The following VAC14 variants were observed in gnomAD, a reference collection of about 807,000 sequenced individuals.
The protein encoded by VAC14 is VAC14 component of PIKFYVE complex.
VAC14 carries 47 observed loss-of-function variants against 85.3 expected under a neutral mutation model. That is an observed-to-expected ratio of 0.55 (90% CI 0.44 to 0.70). VAC14 has a LOEUF of 0.70. Among genes scored for constraint, VAC14 ranks in the 30% least tolerant of loss-of-function variants. The pLI, the probability that VAC14 is intolerant of heterozygous loss-of-function variation, is 0.00. For synonymous variants in VAC14, 447 were observed against 430.5 expected, an observed-to-expected ratio of 1.04 and a Z score of -0.47; for missense variants, 861 against 1,004.3, an observed-to-expected ratio of 0.86 and a Z score of 1.93.
intron 1 of VAC14, among the ~76,000 whole-genome samples, chr16:70,789,554 C>G (rs1035849061): frequency 6.6e-6 from 1 of 152,114 alleles, no homozygotes. Flanking sequence ...GCGGGAGGCC[C>G]GGGTTCGATT....
chr16:70,795,064 G>A (rs1049280346), intron 1 of VAC14, among the ~76,000 whole-genome samples: 2 of 152,186 alleles, frequency 1.3e-5, no homozygotes, highest in African/African-American at 4.8e-5. Flanking sequence ...AGGGACAATA[G>A]GCTCTACCAT....
In VAC14 at chr16:70,687,957, C is replaced by T; in HGVS notation, c.2320G>A (p.Asp774Asn). Reference sequence around the variant, plus strand: ...AGGACAACCCTCCGGTCCAGGTGGTCCCCACGCCCGCTCCGCTGGTGCCGC... The same window carrying T: ...AGGACAACCCTCCGGTCCAGGTGGTTCCCACGCCCGCTCCGCTGGTGCCGC... ...EVRHQRSGRG[D>N]HLDRRVVL Residue 774 changes from aspartate (D) to asparagine (N), a missense_variant, in exon 19 of 19, where the codon GAC (aspartate) becomes AAC (asparagine). By Grantham distance (23) the Asp-to-Asn change is conservative. Transcript: ENST00000261776. The T allele has an allele frequency of 1.3e-6, 2 of 1,583,468 alleles. No individual in the cohort carries two copies. Among genetic ancestry groups the T allele is most frequent in the Middle Eastern group, 2.1e-4 (1 of 4,798 alleles).
intron 12 of VAC14, chr16:70,747,988 A>G (rs1400015818): frequency 4.0e-5 from 6 of 151,108 alleles, no homozygotes; most frequent in African/African-American, 7.3e-5. Context: ...GGGCCAGAGG[A>G]GCAGGCTGTC....
chr16:70,760,862 T>C (rs1421205462), intron 12 of VAC14, among the ~76,000 whole-genome samples: 1 of 151,978 alleles, frequency 6.6e-6, no homozygotes, highest in Admixed American at 6.6e-5. Context: ...TGTATTGAAA[T>C]GAGGGCTGTG....
chr16:70,712,665 G>A (rs906105118), intron 14 of VAC14, among the ~76,000 whole-genome samples: 3 of 152,210 alleles, frequency 2.0e-5, no homozygotes, highest in African/African-American at 7.2e-5. Flanking sequence ...GCACAGAAAG[G>A]GCTGCAGAAG....
intron 14 of VAC14, among the ~76,000 whole-genome samples, chr16:70,724,680 C>T (rs1413507205): frequency 6.6e-6 from 1 of 152,210 alleles, no homozygotes; most frequent in East Asian, 1.9e-4. Context: ...TGCATGGCGA[C>T]AAAAACACTT....
intron 13 of VAC14, among the ~76,000 whole-genome samples, chr16:70,740,118 G>C (rs1353264569): frequency 6.6e-6 from 1 of 151,950 alleles, no homozygotes; most frequent in Admixed American, 6.6e-5. Context: ...GCACCACTAC[G>C]CCCAGCTAAA....
intron 13 of VAC14, among the ~76,000 whole-genome samples, 163 bp downstream of exon 13, chr16:70,744,260 G>A (rs181110783): frequency 3.5e-4 from 54 of 152,250 alleles, no homozygotes; most frequent in African/African-American, 1.1e-3. Flanking sequence ...GCCTCTGGGC[G>A]GTCTTGAGGT....
intron 12 of VAC14, among the ~76,000 whole-genome samples, chr16:70,748,900 T>G (rs1289717368): frequency 6.6e-6 from 1 of 152,122 alleles, no homozygotes; most frequent in African/African-American, 2.4e-5. Context: ...TCGCACTACT[T>G]CACTCCGGTC....
At chr16:70,755,951 G>A in intron 12 of VAC14, 1 of 454,304 alleles carries the variant, frequency 2.2e-6, no homozygotes, top group Admixed American at 2.4e-5. Flanking sequence ...GGGGTTTGGG[G>A]CTTCCCCCAG....
At chr16:70,735,064 G>A (rs16970469) in intron 13 of VAC14, among the ~76,000 whole-genome samples, 79 of 152,262 alleles carry the variant, frequency 5.2e-4, no homozygotes, top group Non-Finnish European at 8.7e-4. Flanking sequence ...GCATAAAGAC[G>A]GAAACCCAGG....
Position 70,800,802 on chromosome 16 carries a change from G to T in VAC14, c.99C>A (p.Ile33=), listed in dbSNP as rs1364916129. The T allele has an allele frequency of 1.9e-6, 3 of 1,609,740 alleles. No individual in the cohort carries two copies. Among genetic ancestry groups the T allele is most frequent in the Non-Finnish European group, 2.5e-6 (3 of 1,178,134 alleles). Residue 33 remains isoleucine, a synonymous_variant, in exon 1 of 19, where the codon ATC becomes ATA. Transcript: ENST00000261776. The stretch of plus-strand genomic sequence containing the variant: ...GGGGTCCTGGCGGCTCTTACTTCTC[G>T]ATCTCCAGCGCTGCCACCTTCCGCT... ...YEKRKVAALE[I]EKLVREFVAQ... is the part of the protein sequence containing the mutation.
At chr16:70,786,422 A>G (rs966762749) in intron 1 of VAC14, 57 bp from the exon 2 acceptor site, 36 of 1,590,650 alleles carry the variant, frequency 2.3e-5, no homozygotes, top group Middle Eastern at 1.7e-4. Context: ...TGTGGCCTCC[A>G]GGGCCTGGGG....
chr16:70,730,667 G>A (rs754175224), intron 14 of VAC14, among the ~76,000 whole-genome samples: 35 of 144,042 alleles, frequency 2.4e-4, no homozygotes, highest in Admixed American at 5.7e-4. Flanking sequence ...GTGTGATCTC[G>A]GCTCACTGCA....
At position 70,695,604 on chromosome 16, in the gene VAC14, C is replaced by T. The variant is rs775833715; in HGVS notation, c.1975G>A (p.Val659Met). Residue 659 changes from valine to methionine, a missense_variant, in exon 17 of 19, where the codon GTG becomes ATG. Physicochemically the swap from Val to Met is conservative, Grantham distance 21. Coordinates refer to ENST00000261776, the MANE Select transcript of VAC14 (RefSeq NM_018052.5). ...TTGTCCACCTCTGCGAGGAAGTCCACGGTGACCTCCAGGTCCCCACTGGGT... is the reference window on the plus strand; with the variant it reads ...TTGTCCACCTCTGCGAGGAAGTCCATGGTGACCTCCAGGTCCCCACTGGGT... ...IQKFGDLEVT[V>M]DFLAEVDKLV... is the part of the protein sequence containing the mutation. 6 of 1,613,784 alleles carry T rather than the reference C, an allele frequency of 3.7e-6. No individual in the cohort carries two copies. Among genetic ancestry groups the T allele is most frequent in the East Asian group, 2.2e-5 (1 of 44,878 alleles).
intron 10 of VAC14, among the ~76,000 whole-genome samples, chr16:70,764,990 C>G (rs1240055282): frequency 2.6e-5 from 4 of 152,160 alleles, no homozygotes; most frequent in Non-Finnish European, 5.9e-5. Flanking sequence ...ACTTTTTGGG[C>G]TGGAAGAATC....
chr16:70,696,929 G>C, intron 16 of VAC14: 2 of 509,528 alleles, frequency 3.9e-6, no homozygotes, highest in South Asian at 4.0e-5. Flanking sequence ...CCCCCTCCAA[G>C]AGCCCCTCTT....
At chr16:70,720,039 C>A (rs1232716444) in intron 14 of VAC14, among the ~76,000 whole-genome samples, 1 of 152,152 alleles carries the variant, frequency 6.6e-6, no homozygotes, top group South Asian at 2.1e-4. Flanking sequence ...CCAACACAGA[C>A]GAATCTCACA....
chr16:70,726,240 G>C (rs2054424220), intron 14 of VAC14, among the ~76,000 whole-genome samples: 1 of 152,260 alleles, frequency 6.6e-6, no homozygotes, highest in African/African-American at 2.4e-5. Flanking sequence ...GGAAGAGGCC[G>C]GGGGAAGGCA....
Sources: allele counts gnomAD v4.1 joint callset (sites outside exome capture counted in the v4.1 genomes callset), GRCh38; gene constraint gnomAD v4.1.1; transcripts MANE v1.5; gene names NCBI Gene and HGNC (gene_info 2026-07-23, HGNC 2026-07-21).